Variants in TRAPPC11 observed in about 807,000 individuals in gnomAD.
The protein encoded by TRAPPC11 is foie gras homolog.
TRAPPC11 carries 104 observed loss-of-function variants against 151.2 expected under a neutral mutation model. The ratio of observed to expected loss-of-function variants is 0.69; its 90% CI spans 0.59 to 0.81. TRAPPC11 has a LOEUF of 0.81. Ranked by LOEUF, TRAPPC11 falls within the 30% of genes least tolerant of loss-of-function variation. The pLI, the probability that TRAPPC11 is intolerant of heterozygous loss-of-function variation, is 0.00. For synonymous variants in TRAPPC11, 456 were observed against 472.3 expected, an observed-to-expected ratio of 0.97 and a Z score of 0.45; for missense variants, 1,230 against 1,349.6, an observed-to-expected ratio of 0.91 and a Z score of 1.39.
intron 8 of TRAPPC11, among the ~76,000 whole-genome samples, chr4:183,678,572 A>G (rs1188600147): frequency 6.6e-6 from 1 of 152,216 alleles, no homozygotes; most frequent in Non-Finnish European, 1.5e-5. Flanking sequence ...TGCAAGATGA[A>G]TAAAGTCACA....
chr4:183,679,731 A>T (rs1190712993), intron 9 of TRAPPC11, among the ~76,000 whole-genome samples: 2 of 152,182 alleles, frequency 1.3e-5, no homozygotes, highest in Non-Finnish European at 2.9e-5. Flanking sequence ...TCTCTACCAT[A>T]TGTCTAGGTC....
intron 1 of TRAPPC11, among the ~76,000 whole-genome samples, chr4:183,663,392 C>T (rs1385063566): frequency 1.3e-5 from 2 of 152,172 alleles, no homozygotes; most frequent in Non-Finnish European, 2.9e-5. Context: ...CACCACCACG[C>T]CCGGCTAATT....
chr4:183,691,811 T>C (rs997928811), intron 19 of TRAPPC11, among the ~76,000 whole-genome samples: 5 of 152,292 alleles, frequency 3.3e-5, no homozygotes, highest in African/African-American at 1.2e-4. Context: ...TAAGGAGTTT[T>C]AAATAATGTA....
At position 183,691,453 on chromosome 4, in the gene TRAPPC11, T is replaced by G; in HGVS notation, c.2031T>G (p.Asp677Glu). 1 of 1,505,010 alleles carries G rather than the reference T, an allele frequency of 6.6e-7. No homozygotes were observed. Among genetic ancestry groups the G allele is most frequent in the Non-Finnish European group, 9.0e-7 (1 of 1,112,098 alleles). 93.2% of individuals were successfully genotyped at this position (1,505,010 alleles called of 1,614,324 possible). A position where few individuals can be genotyped will look rare whatever the true frequency, so the allele number is the denominator to read the frequency against. ...LLFKFVAKTEDVGKKIEITSV... is the reference protein window; with the variant it reads ...LLFKFVAKTEEVGKKIEITSV... ...TTAAGTTTGTTGCAAAAACTGAAGA[T>G]GTGGGAAAGAAAATTGAGGTTAGTT... Residue 677 changes from aspartate (D) to glutamate (E), a missense_variant, in exon 19 of 30, where the codon GAT becomes GAG. Coordinates refer to ENST00000334690, the MANE Select transcript of TRAPPC11 (RefSeq NM_021942.6).
intron 6 of TRAPPC11, 109 bp downstream of exon 6, chr4:183,674,921 T>A (rs1336991205): frequency 1.5e-6 from 1 of 685,882 alleles, no homozygotes. Flanking sequence ...GTTTCAGCAT[T>A]TCTAAAGTTT....
chr4:183,706,778 C>CA, intron 27 of TRAPPC11, 29 bp from the exon 28 acceptor site: 1 of 1,593,520 alleles, frequency 6.3e-7, no homozygotes, highest in African/African-American at 1.3e-5. Context: ...TTTTTTAAAC[C>CA]AAGAGAAGTG....
intron 1 of TRAPPC11, among the ~76,000 whole-genome samples, chr4:183,663,511 G>A (rs1734670053): frequency 6.6e-6 from 1 of 152,088 alleles, no homozygotes; most frequent in Admixed American, 6.5e-5. Flanking sequence ...GGGATTACAG[G>A]CGTGAGTCAC....
At position 183,712,654 on chromosome 4, in the gene TRAPPC11, C is replaced by T. The variant is rs373447557; in HGVS notation, c.*10C>T. ...TATTGCTGCTGCATGATGTTCAAGA[C>T]CGGCCCTTGGCTGTTGTTACAGAGA... On this transcript the variant is annotated 3_prime_UTR_variant, in exon 30 of 30. Transcript: ENST00000334690. 121 of 1,613,922 alleles carry T rather than the reference C, an allele frequency of 7.5e-5. No individual in the cohort carries two copies. The highest frequency in any genetic ancestry group is 9.7e-5 in the Non-Finnish European group (114 of 1,179,914).
At chr4:183,674,221 C>T (rs1379609305) in intron 5 of TRAPPC11, among the ~76,000 whole-genome samples, 2 of 151,908 alleles carry the variant, frequency 1.3e-5, no homozygotes, top group African/African-American at 4.8e-5. Context: ...CAACACCAGC[C>T]CTGCTGGCCA....
At chr4:183,666,963 A>G in intron 3 of TRAPPC11, 97 bp from the exon 4 acceptor site, 1 of 997,578 alleles carries the variant, frequency 1.0e-6, no homozygotes, top group Non-Finnish European at 1.4e-6. Flanking sequence ...GTTGAAATTT[A>G]TCTTCGGTTG....
chr4:183,686,820 G>A (rs1290591481), intron 18 of TRAPPC11, 72 bp downstream of exon 18: 10 of 1,511,276 alleles, frequency 6.6e-6, no homozygotes. Context: ...GATAAAATGA[G>A]CTTAGTGAAT....
At chr4:183,670,364 G>A (rs138766856) in intron 5 of TRAPPC11, among the ~76,000 whole-genome samples, 10 of 152,280 alleles carry the variant, frequency 6.6e-5, no homozygotes, top group African/African-American at 2.4e-4. Context: ...TTAATGATTC[G>A]AGTAAGCTTT....
chr4:183,708,630 T>A, intron 29 of TRAPPC11, 56 bp downstream of exon 29: 2 of 1,523,352 alleles, frequency 1.3e-6, no homozygotes, highest in Non-Finnish European at 1.8e-6. Flanking sequence ...ACAAACAGAC[T>A]TCTTTTTCAT....
In TRAPPC11 at chr4:183,703,928, G is replaced by A. The variant is rs113640296; in HGVS notation, c.2964-1051G>A. 2.4e-3 allele frequency among the ~76,000 whole-genome samples: 370 copies of A among 152,240 alleles called. 1 individual carries two copies. Among genetic ancestry groups the A allele is most frequent in the African/African-American group, 8.4e-3 (349 of 41,546 alleles). ...TAGTTCTTCAGTTTCTACTGTATAC[G>A]TGTAGTGAGTTACAATAGTGCTCTT... is the stretch of plus-strand genomic sequence containing the variant. On this transcript the variant is annotated intron_variant, in intron 26 of 29. Coordinates refer to ENST00000334690, the MANE Select transcript of TRAPPC11 (RefSeq NM_021942.6).
chr4:183,708,606 T>G (rs1737198160), intron 29 of TRAPPC11, 32 bp downstream of exon 29: 2 of 1,597,242 alleles, frequency 1.3e-6, no homozygotes, highest in Non-Finnish European at 1.7e-6. Context: ...CTTTTTAAAT[T>G]CAAAGTCTTA....
Position 183,708,563 on chromosome 4 carries a change from A to G in TRAPPC11, c.3346A>G (p.Ile1116Val), listed in dbSNP as rs1206157732. 1.2e-6 allele frequency: 2 copies of G among 1,613,658 alleles called. No homozygotes were observed. The highest frequency in any genetic ancestry group is 2.2e-5 in the East Asian group (1 of 44,854). The change falls in exon 29 of 30, where the codon ATT becomes GTT. Residue 1116 changes from isoleucine to valine, a missense_variant. Physicochemically the swap from Ile to Val is conservative, Grantham distance 29. Transcript: ENST00000334690. ...GCTCAGGCGTTTTATACCTACCAGT[A>G]TTTTTGTCAAGGTAAAGCTTAGCAA... is the stretch of plus-strand genomic sequence containing the variant. ...QLLRRFIPTS[I>V]FVKPQGRLMD...
intron 9 of TRAPPC11, 67 bp downstream of exon 9, chr4:183,679,553 G>A (rs370858964): frequency 7.2e-7 from 1 of 1,395,306 alleles, no homozygotes; most frequent in Non-Finnish European, 9.6e-7. Flanking sequence ...AAATAGCATG[G>A]ACTTTGGTTC....
intron 1 of TRAPPC11, among the ~76,000 whole-genome samples, chr4:183,659,841 A>G (rs1264411238): frequency 6.6e-6 from 1 of 152,104 alleles, no homozygotes; most frequent in Non-Finnish European, 1.5e-5. Context: ...ACATCTCTGA[A>G]TCCCATTCTT....
intron 25 of TRAPPC11, among the ~76,000 whole-genome samples, chr4:183,700,191 G>C (rs1425659410): frequency 6.6e-6 from 1 of 152,160 alleles, no homozygotes. Context: ...AGTTTAATAT[G>C]AATGGCCCAG....
Sources: gnomAD v4.1 joint callset for allele counts (sites outside exome capture counted in the v4.1 genomes callset) on GRCh38, gnomAD v4.1.1 for gene constraint, MANE v1.5 for transcripts, NCBI Gene and HGNC (gene_info 2026-07-23, HGNC 2026-07-21) for gene names.